Variants in RNF130 observed in about 807,000 individuals in gnomAD.
RNF130 encodes the protein ring finger protein 130, also known as E3 ubiquitin-protein ligase RNF130.
In RNF130, 21 loss-of-function variants were observed where a neutral mutation model predicts 44.6. The observed-to-expected ratio is 0.47, with a 90% CI of 0.33 to 0.68. The LOEUF is 0.68. RNF130 is among the 30% of genes least tolerant of loss of function. The pLI is 0.02. For synonymous variants in RNF130, 214 were observed against 210.4 expected, an observed-to-expected ratio of 1.02 and a Z score of -0.15; for missense variants, 479 against 560.6, an observed-to-expected ratio of 0.85 and a Z score of 1.47.
intron 1 of RNF130, among the ~76,000 whole-genome samples, chr5:180,047,290 A>C (rs897413454): frequency 2.6e-5 from 4 of 152,080 alleles, no homozygotes; most frequent in African/African-American, 4.8e-5. Flanking sequence ...TCAATTTCTT[A>C]ATTTTATTTT....
intron 2 of RNF130, among the ~76,000 whole-genome samples, chr5:180,022,970 C>G (rs1377799341): frequency 6.6e-6 from 1 of 152,186 alleles, no homozygotes; most frequent in Non-Finnish European, 1.5e-5. Context: ...GCTTTCACGC[C>G]AAGCACCAGA....
chr5:179,947,454 C>G (rs542998225), intron 7 of RNF130, among the ~76,000 whole-genome samples: 1 of 152,334 alleles, frequency 6.6e-6, no homozygotes, highest in Non-Finnish European at 1.5e-5. Context: ...CACCCCACAG[C>G]CTGCCCCTGA....
At position 179,978,226 on chromosome 5, in the gene RNF130, A is replaced by T. The variant is rs768776470; in HGVS notation, c.825T>A (p.Asp275Glu). 6.2e-7 allele frequency: 1 copy of T among 1,613,880 alleles called. No individual in the cohort carries two copies. Among genetic ancestry groups the T allele is most frequent in the Non-Finnish European group, 8.5e-7 (1 of 1,179,810 alleles). The change falls in exon 5 of 9, where the codon GAT becomes GAA. Residue 275 changes from aspartate to glutamate, a missense_variant. By Grantham distance (45) the Asp-to-Glu change is conservative. Around this residue, in one of 3 missense-constraint regions of RNF130, gnomAD observed 180 missense variants for 275.1 expected, o/e 0.65. Transcript: ENST00000521389. ...AVCIESYKQN[D>E]VVRILPCKHV... ...ACTTGCAGGGGAGAATTCGGACGAC[A>T]TCATTCTGCTTATAGCTCTCTATGC... is the stretch of plus-strand genomic sequence containing the variant.
chr5:180,004,458 G>A (rs1007753361), intron 3 of RNF130, among the ~76,000 whole-genome samples: 27 of 152,106 alleles, frequency 1.8e-4, no homozygotes, highest in African/African-American at 5.6e-4. Flanking sequence ...AAAAGTATTC[G>A]GACTAGGACC....
exon 8 of RNF130, chr5:179,917,948 G>C (rs1398353947): frequency 6.6e-6 from 1 of 152,272 alleles, no homozygotes; most frequent in Non-Finnish European, 1.5e-5. Context: ...GGAGGCTGCA[G>C]TGAGCCAAGG....
intron 1 of RNF130, among the ~76,000 whole-genome samples, chr5:180,060,609 C>T (rs982931893): frequency 6.6e-6 from 1 of 152,122 alleles, no homozygotes; most frequent in South Asian, 2.1e-4. Context: ...CCTAACTTAG[C>T]GCAGGGATTC....
chr5:180,053,097 CT>C (rs1175010642), intron 1 of RNF130, among the ~76,000 whole-genome samples: 3 of 152,138 alleles, frequency 2.0e-5, no homozygotes, highest in Non-Finnish European at 2.9e-5. Flanking sequence ...CTAAATTAGA[CT>C]TCGATGCGGG....
intron 1 of RNF130, among the ~76,000 whole-genome samples, chr5:180,046,079 T>C (rs1764558672): frequency 6.6e-6 from 1 of 152,020 alleles, no homozygotes; most frequent in African/African-American, 2.4e-5. Flanking sequence ...CCCTGCCCCA[T>C]GGGGAGGCAT....
intron 7 of RNF130, among the ~76,000 whole-genome samples, chr5:179,921,905 C>T (rs1582121017): frequency 6.6e-6 from 1 of 151,724 alleles, no homozygotes; most frequent in Non-Finnish European, 1.5e-5. Flanking sequence ...GCCTGTAATC[C>T]AGCTACTCGG....
At chr5:179,919,008 G>C (rs1761590633) in exon 8 of RNF130, 1 of 152,284 alleles carries the variant, frequency 6.6e-6, no homozygotes, top group Non-Finnish European at 1.5e-5. Context: ...TTTGCTGTCG[G>C]ATCTGACCCT....
At chr5:180,028,280 T>A (rs1031499233) in intron 2 of RNF130, among the ~76,000 whole-genome samples, 3 of 152,162 alleles carry the variant, frequency 2.0e-5, no homozygotes, top group Admixed American at 2.0e-4. Context: ...CTGCTTGTTA[T>A]AACTCCATGG....
intron 7 of RNF130, among the ~76,000 whole-genome samples, chr5:179,945,706 T>C (rs1156949857): frequency 1.3e-5 from 2 of 151,986 alleles, no homozygotes; most frequent in South Asian, 2.1e-4. Context: ...AGAGGGACAA[T>C]GGAAATTCAA....
chr5:180,050,786 C>T (rs1190578178), intron 1 of RNF130, among the ~76,000 whole-genome samples: 1 of 152,166 alleles, frequency 6.6e-6, no homozygotes, highest in Admixed American at 6.5e-5. Context: ...CTCAGCACTT[C>T]GGGGTTGTTC....
chr5:179,932,456 C>T (rs1277471019), intron 7 of RNF130, among the ~76,000 whole-genome samples: 1 of 148,984 alleles, frequency 6.7e-6, no homozygotes, highest in Non-Finnish European at 1.5e-5. Context: ...GACGGGGTTT[C>T]ACCATATTGG....
chr5:179,935,480 A>C (rs1481723999), intron 7 of RNF130, among the ~76,000 whole-genome samples: 1 of 151,768 alleles, frequency 6.6e-6, no homozygotes, highest in Non-Finnish European at 1.5e-5. Context: ...TCTGACTTTC[A>C]ACATTTGTTT....
intron 2 of RNF130, among the ~76,000 whole-genome samples, chr5:180,033,156 T>A (rs1764169496): frequency 6.9e-6 from 1 of 144,656 alleles, no homozygotes; most frequent in Non-Finnish European, 1.6e-5. Flanking sequence ...TTATTTTTTA[T>A]TTTTTTGTAG....
At chr5:180,038,336 G>A (rs921953401) in intron 2 of RNF130, among the ~76,000 whole-genome samples, 4 of 149,822 alleles carry the variant, frequency 2.7e-5, no homozygotes. Flanking sequence ...ATCCATGATC[G>A]TACCACCACA....
intron 7 of RNF130, among the ~76,000 whole-genome samples, chr5:179,930,925 C>T (rs574057791): frequency 1.3e-5 from 2 of 150,996 alleles, no homozygotes; most frequent in African/African-American, 4.9e-5. Context: ...GACTGTAGTT[C>T]CAGCTACTGG....
At chr5:180,032,373 C>T (rs1159468890) in intron 2 of RNF130, among the ~76,000 whole-genome samples, 2 of 152,036 alleles carry the variant, frequency 1.3e-5, no homozygotes, top group African/African-American at 4.8e-5. Context: ...TCCCTCCCTC[C>T]CTTCTTTCCT....
Sources: allele counts gnomAD v4.1 joint callset (sites outside exome capture counted in the v4.1 genomes callset), GRCh38; gene constraint gnomAD v4.1.1; regional missense constraint gnomAD v4.1.1; transcripts MANE v1.5; gene names NCBI Gene and HGNC (gene_info 2026-07-23, HGNC 2026-07-21).